The following TMEM131 variants were observed in gnomAD, a reference collection of about 807,000 sequenced individuals.
The protein encoded by TMEM131 is 2610524E03Rik.
A neutral mutation model predicts 211.6 loss-of-function variants in TMEM131; 66 were observed. The ratio of observed to expected loss-of-function variants is 0.31; its 90% CI spans 0.26 to 0.38. TMEM131 has a LOEUF of 0.38. TMEM131 is among the 10% of genes least tolerant of loss of function. The probability of loss-of-function intolerance (pLI) is 1.00; values close to 1 mark genes in which losing one functional copy is unlikely to be tolerated. For synonymous variants in TMEM131, 844 were observed against 841.3 expected, an observed-to-expected ratio of 1.00 and a Z score of -0.06; for missense variants, 2,036 against 2,299.3, an observed-to-expected ratio of 0.89 and a Z score of 2.34.
chr2:97,812,379 A>G (rs1681586753), intron 17 of TMEM131, 42 bp downstream of exon 17: 3 of 1,569,862 alleles, frequency 1.9e-6, no homozygotes, highest in Non-Finnish European at 2.6e-6. Context: ...TGCAGTTTAG[A>G]CATCCATCTT....
chr2:97,914,344 C>T (rs561905929), intron 2 of TMEM131, among the ~76,000 whole-genome samples: 1 of 152,192 alleles, frequency 6.6e-6, no homozygotes, highest in Admixed American at 6.5e-5. Flanking sequence ...AGCAGCACAG[C>T]GACACTGGTA....
At chr2:97,851,588 CT>C (rs1393396785) in intron 5 of TMEM131, among the ~76,000 whole-genome samples, 1 of 152,194 alleles carries the variant, frequency 6.6e-6, no homozygotes, top group Non-Finnish European at 1.5e-5. Context: ...ACACCATGTA[CT>C]CACTTTCTAT....
At chr2:97,969,954 T>G (rs1463282862) in intron 1 of TMEM131, among the ~76,000 whole-genome samples, 1 of 152,206 alleles carries the variant, frequency 6.6e-6, no homozygotes, top group Non-Finnish European at 1.5e-5. Context: ...TCAAAGTTAG[T>G]CTACCTCTGT....
rs900683827 is a variant in TMEM131, at chr2:97,756,928, GA to G, written c.*170del. 1.9e-5 allele frequency: 13 copies of G among 684,166 alleles called. No homozygotes were observed. In the African/African-American group the frequency reaches 2.4e-4, roughly 12 times the overall value. 42.4% of individuals were successfully genotyped at this position (684,166 alleles called of 1,614,324 possible). A position where few individuals can be genotyped will look rare whatever the true frequency, so the allele number is the denominator to read the frequency against. On this transcript the variant is annotated 3_prime_UTR_variant, in exon 41 of 41. Transcript: ENST00000186436. Reference sequence around the variant, plus strand: ...AAATCTCATGTTATCATAATTGCAAGAAAGATCTGAAAGAAGCGAGTGGTCT... The same window carrying G: ...AAATCTCATGTTATCATAATTGCAAGAAGATCTGAAAGAAGCGAGTGGTCT...
rs187029613 is a variant in TMEM131, at chr2:97,925,020, C to G, written c.249+2406G>C. ...TCAGACACCAGAGTAGCTGGGACCA[C>G]AGGTGTGTGCCAACACACCTGGCTA... On this transcript the variant is annotated intron_variant, in intron 2 of 40. Coordinates refer to ENST00000186436, the MANE Select transcript of TMEM131 (RefSeq NM_015348.2). 2.4e-3 allele frequency among the ~76,000 whole-genome samples: 360 copies of G among 152,192 alleles called. 2 individuals are homozygous for G. Among genetic ancestry groups the G allele is most frequent in the Middle Eastern group, 6.8e-3 (2 of 294 alleles).
chr2:97,954,575 C>T (rs1041676654), intron 1 of TMEM131, among the ~76,000 whole-genome samples: 12 of 152,068 alleles, frequency 7.9e-5, no homozygotes, highest in Admixed American at 5.2e-4. Flanking sequence ...GAGGCCAAGG[C>T]GGGTGGATCA....
At chr2:97,765,716 C>T (rs1404468771) in intron 35 of TMEM131, among the ~76,000 whole-genome samples, 1 of 152,078 alleles carries the variant, frequency 6.6e-6, no homozygotes, top group African/African-American at 2.4e-5. Context: ...GGAATTCTTA[C>T]AAAAACAATT....
intron 11 of TMEM131, chr2:97,827,180 A>G: frequency 1.6e-6 from 1 of 636,884 alleles, no homozygotes; most frequent in Non-Finnish European, 2.9e-6. Flanking sequence ...AAGGCAGCCC[A>G]GTTTCGTGAA....
chr2:97,802,659 C>T lies in TMEM131; in HGVS notation c.2534G>A (p.Cys845Tyr), dbSNP rs1462798250. 1 of 1,612,042 alleles carries T rather than the reference C, an allele frequency of 6.2e-7. No individual in the cohort carries two copies. The highest frequency in any genetic ancestry group is 1.3e-5 in the African/African-American group (1 of 74,806). ...GTCACTTTGAATACTTACTGAGGAG[C>T]AGTTTGTATTAGTAAGTGGAAATTT... ...HLKFPLTNTN[C>Y]SSEEEITLEN... The change falls in exon 23 of 41, where the codon TGC (cysteine) becomes TAC (tyrosine). Residue 845 changes from cysteine (C) to tyrosine (Y), a missense_variant. By Grantham distance (194) the Cys-to-Tyr change is radical. Transcript: ENST00000186436.
At chr2:97,957,789 T>C (rs549206217) in intron 1 of TMEM131, among the ~76,000 whole-genome samples, 3 of 152,296 alleles carry the variant, frequency 2.0e-5, no homozygotes, top group African/African-American at 7.2e-5. Context: ...ACTAGGCCTC[T>C]GAAATACAAT....
rs1682860005 is a variant in TMEM131, at chr2:97,834,712, C to T, written c.956-35G>A. On this transcript the variant is annotated intron_variant, in intron 9 of 40. Transcript: ENST00000186436. ...AAGAAAAGTCAACAATTATTTTTCA[C>T]TTTGCCAGAGTAAGCTATACTGAAA... 2.5e-6 allele frequency: 4 copies of T among 1,595,478 alleles called. No individual in the cohort carries two copies. The East Asian group carries it at 6.7e-5, about 27-fold the overall frequency.
At chr2:97,772,474 A>G in intron 32 of TMEM131, 50 bp from the exon 33 acceptor site, 2 of 1,567,856 alleles carry the variant, frequency 1.3e-6, no homozygotes, top group Non-Finnish European at 1.7e-6. Flanking sequence ...AAAATGACTG[A>G]AATTAGTTCC....
At chr2:97,881,406 C>T (rs1489756679) in intron 4 of TMEM131, among the ~76,000 whole-genome samples, 2 of 151,910 alleles carry the variant, frequency 1.3e-5, no homozygotes, top group Non-Finnish European at 2.9e-5. Flanking sequence ...TTGGGTTTCA[C>T]TATGTTGCCC....
intron 7 of TMEM131, among the ~76,000 whole-genome samples, chr2:97,839,137 C>A (rs1340236802): frequency 6.6e-6 from 1 of 152,090 alleles, no homozygotes; most frequent in Non-Finnish European, 1.5e-5. Context: ...CCAGCCTAGG[C>A]AACATAGTGA....
At chr2:97,981,162 G>T (rs1011514817) in intron 1 of TMEM131, among the ~76,000 whole-genome samples, 1 of 143,832 alleles carries the variant, frequency 7.0e-6, no homozygotes, top group South Asian at 2.2e-4. Context: ...TCACTAAAAA[G>T]CATATTCTAG....
intron 17 of TMEM131, among the ~76,000 whole-genome samples, chr2:97,811,619 G>A (rs1573396316): frequency 6.6e-6 from 1 of 152,296 alleles, no homozygotes; most frequent in East Asian, 1.9e-4. Flanking sequence ...TTCAAGCTGT[G>A]GATGTCACTC....
At chr2:97,876,879 G>A (rs146833362) in intron 4 of TMEM131, among the ~76,000 whole-genome samples, 3,647 of 152,188 alleles carry the variant, frequency 0.024, 82 homozygotes, top group Non-Finnish European at 0.034. Context: ...AAGAAATAAC[G>A]GGTATTCAAA....
intron 3 of TMEM131, among the ~76,000 whole-genome samples, chr2:97,897,250 A>T (rs1675652033): frequency 6.6e-6 from 1 of 152,008 alleles, no homozygotes; most frequent in South Asian, 2.1e-4. Flanking sequence ...TTCCTTTCCA[A>T]TCTGATGGCT....
chr2:97,984,884 C>A (rs1229684177), intron 1 of TMEM131, among the ~76,000 whole-genome samples: 1 of 152,060 alleles, frequency 6.6e-6, no homozygotes, highest in Non-Finnish European at 1.5e-5. Flanking sequence ...TATAGCCTGG[C>A]AGCTGCAGGC....
Sources: allele counts gnomAD v4.1 joint callset (sites outside exome capture counted in the v4.1 genomes callset), GRCh38; gene constraint gnomAD v4.1.1; transcripts MANE v1.5; gene names NCBI Gene and HGNC (gene_info 2026-07-23, HGNC 2026-07-21).